The following SEM1 variants were observed in gnomAD, a reference collection of about 807,000 sequenced individuals.
SEM1 encodes 26S proteasome complex subunit SEM1.
Under a neutral mutation model 12.7 loss-of-function variants are expected in SEM1, and 3 were observed. The ratio of observed to expected loss-of-function variants is 0.24; its 90% CI spans 0.11 to 0.61. The LOEUF is 0.61. Ranked by LOEUF, SEM1 falls within the 20% of genes least tolerant of loss-of-function variation. The probability of loss-of-function intolerance (pLI) is 0.88; values close to 1 mark genes in which losing one functional copy is unlikely to be tolerated. For missense variants in SEM1, 59 were observed against 81.3 expected (o/e 0.73, Z 1.06); for synonymous variants, 30 against 27.8 (o/e 1.08, Z -0.25).
At chr7:96,575,922 A>C (rs926200677) in intron 2 of SEM1, among the ~76,000 whole-genome samples, 1 of 152,238 alleles carries the variant, frequency 6.6e-6, no homozygotes, top group Non-Finnish European at 1.5e-5. Flanking sequence ...TACTTGAAGA[A>C]GACGACACAT....
At chr7:96,694,453 C>G (rs1790028288) in intron 2 of SEM1, among the ~76,000 whole-genome samples, 1 of 151,940 alleles carries the variant, frequency 6.6e-6, no homozygotes, top group Non-Finnish European at 1.5e-5. Context: ...AATCACCAAT[C>G]TATTAGGTCC....
intron 2 of SEM1, chr7:96,649,197 G>A (rs190636306): frequency 3.3e-5 from 5 of 152,308 alleles, no homozygotes; most frequent in African/African-American, 1.2e-4. Context: ...TCAGCAGATA[G>A]ATCTAGCAAT....
intron 2 of SEM1, among the ~76,000 whole-genome samples, chr7:96,555,876 G>A (rs1456078072): frequency 1.3e-5 from 2 of 149,306 alleles, no homozygotes; most frequent in African/African-American, 2.5e-5. Flanking sequence ...GGGTGCTCCT[G>A]TATTGGGTGC....
chr7:96,688,734 G>A (rs887835768), downstream of SEM1: 16 of 467,426 alleles, frequency 3.4e-5, no homozygotes, highest in African/African-American at 2.5e-4. Context: ...TTGATTAGAA[G>A]CAAAAGATTA....
intron 3 of SEM1, among the ~76,000 whole-genome samples, chr7:96,504,680 G>A (rs1248671739): frequency 6.6e-6 from 1 of 151,942 alleles, no homozygotes; most frequent in Non-Finnish European, 1.5e-5. Context: ...TAAAAACATC[G>A]AGCAATTCCT....
exon 2 of SEM1, chr7:96,486,278 G>A (rs745386740): frequency 2.0e-5 from 31 of 1,536,926 alleles, no homozygotes; most frequent in South Asian, 5.9e-5. Flanking sequence ...TGCAAAGGCC[G>A]GATGCTTACT....
downstream of SEM1, among the ~76,000 whole-genome samples, chr7:96,684,142 C>T (rs1013109392): frequency 9.2e-5 from 14 of 152,142 alleles, no homozygotes; most frequent in Non-Finnish European, 1.5e-4. Flanking sequence ...TCTTCACCCT[C>T]AAACTGCAAT....
intron 2 of SEM1, among the ~76,000 whole-genome samples, chr7:96,591,590 C>T (rs951824181): frequency 2.0e-5 from 3 of 152,208 alleles, no homozygotes; most frequent in African/African-American, 7.2e-5. Flanking sequence ...ATGATTTCAT[C>T]AGATGGCTTC....
chr7:96,672,186 C>A (rs1301257124), downstream of SEM1, among the ~76,000 whole-genome samples: 1 of 152,222 alleles, frequency 6.6e-6, no homozygotes, highest in African/African-American at 2.4e-5. Flanking sequence ...CTTTGCACTT[C>A]TATCCCTTTT....
chr7:96,564,159 T>C (rs1200468227), intron 2 of SEM1, among the ~76,000 whole-genome samples: 1 of 152,132 alleles, frequency 6.6e-6, no homozygotes, highest in African/African-American at 2.4e-5. Context: ...TTAGAAGTTA[T>C]TTATTATATT....
At chr7:96,585,726 T>C (rs1806605956) in intron 2 of SEM1, among the ~76,000 whole-genome samples, 1 of 140,722 alleles carries the variant, frequency 7.1e-6, no homozygotes, top group Admixed American at 7.1e-5. Flanking sequence ...AGTGACCCGA[T>C]TTTCCAGGTG....
chr7:96,708,744 A>AT (rs1790548063), intron 1 of SEM1, among the ~76,000 whole-genome samples: 1 of 152,222 alleles, frequency 6.6e-6, no homozygotes, highest in Non-Finnish European at 1.5e-5. Context: ...ATGAGACATC[A>AT]GAAGGTTTCT....
intron 1 of SEM1, among the ~76,000 whole-genome samples, chr7:96,494,607 G>T (rs1584705076): frequency 6.6e-6 from 1 of 152,164 alleles, no homozygotes; most frequent in East Asian, 1.9e-4. Flanking sequence ...CTTAGATTAG[G>T]ACATGGGTGT....
chr7:96,604,690 G>A (rs956087290), intron 2 of SEM1, among the ~76,000 whole-genome samples: 21 of 151,928 alleles, frequency 1.4e-4, no homozygotes, highest in Admixed American at 2.6e-4. Flanking sequence ...AGGCTGAGGC[G>A]GGCGAATCAC....
chr7:96,499,407 A>G (rs1803425235), upstream of SEM1, among the ~76,000 whole-genome samples: 2 of 151,312 alleles, frequency 1.3e-5, no homozygotes, highest in South Asian at 4.2e-4. Flanking sequence ...ATCCCTTTAT[A>G]AGAGCTACTT....
At chr7:96,615,448 T>A (rs1471460809) in intron 2 of SEM1, among the ~76,000 whole-genome samples, 4 of 152,006 alleles carry the variant, frequency 2.6e-5, no homozygotes, top group Non-Finnish European at 4.4e-5. Context: ...AGAGACAAGG[T>A]TTCGCCAGGT....
chr7:96,492,566 T>A (rs998436649), intron 1 of SEM1, among the ~76,000 whole-genome samples: 2 of 149,242 alleles, frequency 1.3e-5, no homozygotes, highest in African/African-American at 4.9e-5. Context: ...TGTGCCACCA[T>A]GCCCGACTAA....
At chr7:96,541,807 A>T (rs994452160) in intron 2 of SEM1, among the ~76,000 whole-genome samples, 2 of 151,836 alleles carry the variant, frequency 1.3e-5, no homozygotes, top group Admixed American at 1.3e-4. Flanking sequence ...TTCTTAAGCC[A>T]GCTGTCCCAG....
In SEM1 at chr7:96,581,866, T is replaced by C. The variant is rs1806422991; in HGVS notation, c.171-75168A>G. On this transcript the variant is annotated intron_variant and NMD_transcript_variant, in intron 2 of 3. Transcript: ENST00000466986. ...AAGTTGCTTATCAGCTTAAGGAGAT[T>C]TTGGGCTGAGACAATGGGGTTTTCT... 2.0e-5 allele frequency among the ~76,000 whole-genome samples: 3 copies of C among 152,048 alleles called. No homozygotes were observed. In the South Asian group the frequency reaches 6.2e-4, roughly 32 times the overall value.
Sources: allele counts gnomAD v4.1 joint callset (sites outside exome capture counted in the v4.1 genomes callset), GRCh38; gene constraint gnomAD v4.1.1; transcripts MANE v1.5; gene names NCBI Gene and HGNC (gene_info 2026-07-23, HGNC 2026-07-21).